The following NRL variants were observed in gnomAD, a reference collection of about 807,000 sequenced individuals.
NRL encodes the protein neural retina leucine zipper, also known as neural retina-specific leucine zipper protein.
A neutral mutation model predicts 12.5 loss-of-function variants in NRL; 16 were observed. The ratio of observed to expected loss-of-function variants is 1.28; its 90% CI spans 0.87 to 1.95. The LOEUF (loss-of-function observed/expected upper bound fraction) is 1.95. NRL is among the 30% of genes most tolerant of loss of function. NRL has a pLI of 0.00. For missense variants in NRL, 314 were observed against 325.8 expected (o/e 0.96, Z 0.28); for synonymous variants, 142 against 150.9 (o/e 0.94, Z 0.43).
In NRL at chr14:24,078,693, T is replaced by C. The variant is rs1301864174; in HGVS notation, c.*2543A>G. Among the ~76,000 whole-genome samples the C allele has an allele frequency of 6.6e-6, 1 of 152,234 alleles. No homozygotes were observed. The highest frequency in any genetic ancestry group is 6.5e-5 in the Admixed American group (1 of 15,290). The stretch of plus-strand genomic sequence containing the variant: ...TACGTAGCATGTGTCAACTTTATGC[T>C]AAGTGCTTATTTAAATGCATTTATT... On this transcript the variant is annotated 3_prime_UTR_variant, in exon 3 of 3. Coordinates refer to ENST00000561028, the MANE Select transcript of NRL (RefSeq NM_001354768.3).
At position 24,094,015 on chromosome 14, in the gene NRL, C is replaced by T. The variant is rs1462095239; in HGVS notation, c.-27-11140G>A. The T allele has an allele frequency of 5.8e-6, 3 of 519,350 alleles. No individual in the cohort carries two copies. Among genetic ancestry groups the T allele is most frequent in the South Asian group, 5.5e-5 (2 of 36,524 alleles). The allele number at this position is 519,350 out of a possible 1,614,324, so 32.2% of individuals were successfully genotyped here. On this transcript the variant is annotated intron_variant, in intron 1 of 2. Coordinates refer to ENST00000561028, the MANE Select transcript of NRL (RefSeq NM_001354768.3). The surrounding 1 kb of genome is among the most constrained non-coding windows in gnomAD (Gnocchi z 4.1). ...CTTGTTTGCCACCTAGTGTCTCTCC[C>T]GGGAGCAAGAGTCCTCAAAGTTACA...
Position 24,081,110 on chromosome 14 carries a change from G to A in NRL, c.*126C>T. On this transcript the variant is annotated 3_prime_UTR_variant, in exon 3 of 3. Transcript: ENST00000561028. This position sits in a 1 kb window ranked among gnomAD's most constrained non-coding sequence, Gnocchi z 4.4. ...ACCCAAAAGCTTTGGGGATATTTGCGCGGTCATACAGGGCGTGGCTAGGAC... is the reference window on the plus strand; with the variant it reads ...ACCCAAAAGCTTTGGGGATATTTGCACGGTCATACAGGGCGTGGCTAGGAC... 1.8e-6 allele frequency: 1 copy of A among 550,656 alleles called. No homozygotes were observed. The allele number at this position is 550,656 out of a possible 1,614,324, so 34.1% of individuals were successfully genotyped here. A position where few individuals can be genotyped will look rare whatever the true frequency, so the allele number is the denominator to read the frequency against.
intron 1 of NRL, chr14:24,098,986 C>A: frequency 7.6e-7 from 1 of 1,318,520 alleles, no homozygotes. Flanking sequence ...CCTGATCCCT[C>A]TGGCCCCGAC....
intron 1 of NRL, chr14:24,099,829 C>CA: frequency 6.7e-7 from 1 of 1,500,912 alleles, no homozygotes; most frequent in Non-Finnish European, 9.3e-7. Context: ...CCTGAACACC[C>CA]AACCCTGCTC....
chr14:24,101,982 T>C (rs938366101), intron 1 of NRL, among the ~76,000 whole-genome samples: 1 of 152,030 alleles, frequency 6.6e-6, no homozygotes, highest in African/African-American at 2.4e-5. Context: ...TCCTACTACT[T>C]TGGGAGGCCA....
At chr14:24,103,948 G>T (rs145739132) in intron 1 of NRL, 1 of 1,613,534 alleles carries the variant, frequency 6.2e-7, no homozygotes, top group African/African-American at 1.3e-5. Context: ...CTGGAGAGAC[G>T]TGTGCACAAA....
chr14:24,106,891 C>T (rs1362641901), intron 1 of NRL, among the ~76,000 whole-genome samples: 1 of 152,102 alleles, frequency 6.6e-6, no homozygotes, highest in Non-Finnish European at 1.5e-5. Flanking sequence ...TCAGTTGCTT[C>T]ATCTGTAAAA....
intron 1 of NRL, chr14:24,110,723 G>A (rs1227920474): frequency 1.3e-5 from 2 of 152,234 alleles, no homozygotes; most frequent in Non-Finnish European, 2.9e-5. Flanking sequence ...TAATTGCTAT[G>A]TAGAACATAA....
chr14:24,094,880 C>T lies in NRL; in HGVS notation c.-27-12005G>A, dbSNP rs1053946468. 71 of 1,275,674 alleles carry T rather than the reference C, an allele frequency of 5.6e-5. No homozygotes were observed. Among genetic ancestry groups the T allele is most frequent in the Non-Finnish European group, 7.3e-5 (71 of 974,704 alleles). The allele number at this position is 1,275,674 out of a possible 1,614,324, so 79.0% of individuals were successfully genotyped here. ...CCCCGGGAGACTAAGCTCAGAGCCC[C>T]CTAAAGAAGGTGGAAGGTTAAATAT... On this transcript the variant is annotated intron_variant, in intron 1 of 2. Transcript: ENST00000561028. The surrounding 1 kb of genome is among the most constrained non-coding windows in gnomAD (Gnocchi z 4.1).
chr14:24,094,917 C>A lies in NRL; in HGVS notation c.-27-12042G>T. The A allele has an allele frequency of 8.7e-7, 1 of 1,144,360 alleles. No homozygotes were observed. The highest frequency in any genetic ancestry group is 1.3e-5 in the South Asian group (1 of 77,098). The allele number at this position is 1,144,360 out of a possible 1,614,324, so 70.9% of individuals were successfully genotyped here. On this transcript the variant is annotated intron_variant, in intron 1 of 2. Coordinates refer to ENST00000561028, the MANE Select transcript of NRL (RefSeq NM_001354768.3). This position sits in a 1 kb window ranked among gnomAD's most constrained non-coding sequence, Gnocchi z 4.1. ...GGAAGGTTAAATATCCATTCCCGGCCTCTCCCGGACTGGAAGGACTGGAAC... is the reference window on the plus strand; with the variant it reads ...GGAAGGTTAAATATCCATTCCCGGCATCTCCCGGACTGGAAGGACTGGAAC...
intron 1 of NRL, among the ~76,000 whole-genome samples, chr14:24,087,070 T>C (rs958473256): frequency 6.6e-6 from 1 of 151,996 alleles, no homozygotes; most frequent in African/African-American, 2.4e-5. Context: ...CCAGGAATAA[T>C]AGAACAGAGG....
At chr14:24,105,189 A>G (rs7143874) in intron 1 of NRL, among the ~76,000 whole-genome samples, 6,007 of 152,340 alleles carry the variant, frequency 0.039, 231 homozygotes, top group East Asian at 0.2. Flanking sequence ...CTGCAGCAGG[A>G]GCATGTCCTT....
chr14:24,114,041 G>A lies in NRL; in HGVS notation c.-28+681C>T, dbSNP rs118146993. Among the ~76,000 whole-genome samples, 599 of 152,278 alleles carry A rather than the reference G, an allele frequency of 3.9e-3. 4 individuals are homozygous for A. Among genetic ancestry groups the A allele is most frequent in the Non-Finnish European group, 6.4e-3 (434 of 68,012 alleles). On this transcript the variant is annotated intron_variant, in intron 1 of 2. Transcript: ENST00000561028. ...TGTTACTCATAAACCCGCAGGAGGG[G>A]GCAGGAGGGGGCAGGAGGCGGCGAG...
At chr14:24,100,018 G>C in intron 1 of NRL, 1 of 1,614,138 alleles carries the variant, frequency 6.2e-7, no homozygotes, top group Non-Finnish European at 8.5e-7. Flanking sequence ...CATCAACCCT[G>C]AGAACGGCTT....
chr14:24,104,949 C>A (rs1418325665), intron 1 of NRL, among the ~76,000 whole-genome samples: 1 of 152,174 alleles, frequency 6.6e-6, no homozygotes, highest in Admixed American at 6.5e-5. Flanking sequence ...GAGACCCTAA[C>A]CCAGCAGTGC....
rs530886943 is a variant in NRL, at chr14:24,079,951, C to T, written c.*1285G>A. Reference sequence around the variant, plus strand: ...GTGAGAGGGGGAGGATCCATCTGTTCCAATGCCTGCCCCTCCACCCCATTT... The same window carrying T: ...GTGAGAGGGGGAGGATCCATCTGTTTCAATGCCTGCCCCTCCACCCCATTT... On this transcript the variant is annotated 3_prime_UTR_variant, in exon 3 of 3. Transcript: ENST00000561028. Among the ~76,000 whole-genome samples the T allele has an allele frequency of 4.6e-5, 7 of 152,120 alleles. No individual in the cohort carries two copies. In the South Asian group the frequency reaches 1.5e-3, roughly 32 times the overall value.
chr14:24,098,410 G>A, intron 1 of NRL: 2 of 1,611,526 alleles, frequency 1.2e-6, no homozygotes, highest in Non-Finnish European at 1.7e-6. Context: ...GGGGCACAGT[G>A]GCAAGGGCAC....
intron 2 of NRL, 37 bp downstream of exon 2, chr14:24,082,430 GC>G (rs1475528904): frequency 5.0e-6 from 8 of 1,610,958 alleles, no homozygotes. Flanking sequence ...CTCCTTCCTT[GC>G]CCTGCCTCCC....
chr14:24,097,406 A>T (rs2036936821), intron 1 of NRL, among the ~76,000 whole-genome samples: 1 of 150,436 alleles, frequency 6.6e-6, no homozygotes, highest in Non-Finnish European at 1.5e-5. Flanking sequence ...AAAAAAAAAA[A>T]TACAAAAATT....
Sources: allele counts gnomAD v4.1 joint callset (sites outside exome capture counted in the v4.1 genomes callset), GRCh38; gene constraint gnomAD v4.1.1; non-coding constraint Gnocchi (gnomAD v3.1); transcripts MANE v1.5; gene names NCBI Gene and HGNC (gene_info 2026-07-23, HGNC 2026-07-21).